PCDHGB3: variants seen among roughly 807,000 people sequenced by gnomAD.
The protein encoded by PCDHGB3 is protocadherin gamma subfamily B, 3.
In PCDHGB3, 40 loss-of-function variants were observed where a neutral mutation model predicts 59.2. The ratio of observed to expected loss-of-function variants is 0.68; its 90% CI spans 0.52 to 0.88. The LOEUF (loss-of-function observed/expected upper bound fraction) is 0.88, where lower values mean the gene tolerates loss of function less well. Among genes scored for constraint, PCDHGB3 ranks in the 40% least tolerant of loss-of-function variants. PCDHGB3 has a pLI of 0.00. For missense variants in PCDHGB3, 1,309 were observed against 1,187.9 expected (o/e 1.10, Z -1.50); for synonymous variants, 581 against 503.6 (o/e 1.15, Z -2.06).
In PCDHGB3 at chr5:141,431,339, TTGG is replaced by T. The variant is rs750589924; in HGVS notation, c.2415+58533_2415+58535del. ...AGCCGACGGTAGTAAGTACCCCGAA[TTGG>T]TGCTGAAACGCGCCCTGGACCGCGA... is the stretch of plus-strand genomic sequence containing the variant. On this transcript the variant is annotated intron_variant, in intron 1 of 3. Coordinates refer to ENST00000576222, the MANE Select transcript of PCDHGB3 (RefSeq NM_018924.5). The surrounding 1 kb of genome is among the most constrained non-coding windows in gnomAD (Gnocchi z 4.8). 4 of 1,614,060 alleles carry T rather than the reference TTGG, an allele frequency of 2.5e-6. No individual in the cohort carries two copies. The Admixed American group carries it at 6.7e-5, about 27-fold the overall frequency.
At chr5:141,499,287 C>T (rs896428388) in intron 2 of PCDHGB3, among the ~76,000 whole-genome samples, 3 of 152,184 alleles carry the variant, frequency 2.0e-5, no homozygotes, top group Non-Finnish European at 2.9e-5. Context: ...CTGATGGCTC[C>T]ACACTACCAT....
At chr5:141,447,214 A>G (rs2098530358) in intron 1 of PCDHGB3, among the ~76,000 whole-genome samples, 1 of 152,092 alleles carries the variant, frequency 6.6e-6, no homozygotes, top group Admixed American at 6.6e-5. Context: ...ATCTCGGCTC[A>G]CTGCAACCTC....
chr5:141,437,651 CAT>C (rs1255783396), intron 1 of PCDHGB3, among the ~76,000 whole-genome samples: 2 of 151,990 alleles, frequency 1.3e-5, no homozygotes, highest in Non-Finnish European at 2.9e-5. Context: ...AAAGCAAACA[CAT>C]AGTTTCGAAG....
chr5:141,428,331 G>A, intron 1 of PCDHGB3: 2 of 625,576 alleles, frequency 3.2e-6, no homozygotes, highest in East Asian at 2.9e-5. Context: ...TGATTTCTAT[G>A]CTCTTCTTCC....
In PCDHGB3 at chr5:141,432,285, C is replaced by A; in HGVS notation, c.2415+59476C>A. On this transcript the variant is annotated intron_variant, in intron 1 of 3. Transcript: ENST00000576222. The surrounding 1 kb of genome is among the most constrained non-coding windows in gnomAD (Gnocchi z 6.0). ...CTATCGTCCTACGTGTCCATCAACTCCGACACTGGGGTACTGTATGCGCTG... is the reference window on the plus strand; with the variant it reads ...CTATCGTCCTACGTGTCCATCAACTACGACACTGGGGTACTGTATGCGCTG... The A allele has an allele frequency of 6.2e-7, 1 of 1,614,262 alleles. No homozygotes were observed. The highest frequency in any genetic ancestry group is 8.5e-7 in the Non-Finnish European group (1 of 1,180,052).
At chr5:141,467,455 GCTAGTA>G (rs2099144342) in intron 1 of PCDHGB3, among the ~76,000 whole-genome samples, 1 of 152,192 alleles carries the variant, frequency 6.6e-6, no homozygotes, top group African/African-American at 2.4e-5. Context: ...TTCTTCCAGT[GCTAGTA>G]CTTGCATGGT....
intron 1 of PCDHGB3, chr5:141,402,985 A>G: frequency 6.2e-7 from 1 of 1,609,390 alleles, no homozygotes; most frequent in Non-Finnish European, 8.5e-7. Context: ...AGCTCCGCGG[A>G]AGATTAGTCC....
intron 1 of PCDHGB3, chr5:141,423,184 C>T (rs747938944): frequency 9.3e-6 from 15 of 1,613,442 alleles, no homozygotes; most frequent in Non-Finnish European, 1.2e-5. Context: ...CCACGGCCAG[C>T]CCCCTCTCTC....
At position 141,418,594 on chromosome 5, in the gene PCDHGB3, C is replaced by G. The variant is rs775489120; in HGVS notation, c.2415+45785C>G. 2.9e-5 allele frequency: 47 copies of G among 1,613,904 alleles called. No individual in the cohort carries two copies. In the South Asian group the frequency reaches 4.6e-4, roughly 16 times the overall value. On this transcript the variant is annotated intron_variant, in intron 1 of 3. Transcript: ENST00000576222. ...ACAACCCCCCAGTGTTCAGCCAGGA[C>G]GTGTACAGGGTTAGCCTTCGGGAAG...
At chr5:141,415,284 G>A (rs186109113) in intron 1 of PCDHGB3, 27 of 1,614,198 alleles carry the variant, frequency 1.7e-5, no homozygotes, top group Non-Finnish European at 2.3e-5. Context: ...CGGTGGCCGC[G>A]GTCTCCTGCG....
chr5:141,400,462 G>T lies in PCDHGB3; in HGVS notation c.2415+27653G>T, dbSNP rs141917215. 2.3e-4 allele frequency: 379 copies of T among 1,614,062 alleles called. 2 individuals carry two copies. The African/African-American group carries it at 4.7e-3, about 20-fold the overall frequency. The stretch of plus-strand genomic sequence containing the variant: ...TTCAGGACAAGACATACTTTGTGGT[G>T]ATTCATCTGGGGCCTTATTTCCACT... On this transcript the variant is annotated intron_variant, in intron 1 of 3. Transcript: ENST00000576222.
intron 1 of PCDHGB3, among the ~76,000 whole-genome samples, chr5:141,492,670 C>T (rs567661944): frequency 6.6e-6 from 1 of 152,344 alleles, no homozygotes; most frequent in South Asian, 2.1e-4. Context: ...CCCGGGACTC[C>T]GTCTCAAGGG....
At chr5:141,495,697 A>G (rs1010733016) in intron 2 of PCDHGB3, among the ~76,000 whole-genome samples, 1 of 152,086 alleles carries the variant, frequency 6.6e-6, no homozygotes, top group Non-Finnish European at 1.5e-5. Flanking sequence ...AGTGCTCAAT[A>G]AATGTGGAGT....
rs202183643 is a variant in PCDHGB3 at position 141,490,646 on chromosome 5, C to T, written c.2416-4161C>T. 9 of 1,614,186 alleles carry T rather than the reference C, an allele frequency of 5.6e-6. No homozygotes were observed. Among genetic ancestry groups the T allele is most frequent in the African/African-American group, 2.7e-5 (2 of 75,054 alleles). ...GCTTACATCCTAGAAAACCGGCCTC[C>T]GGGCTCCCTTCTTTGCACTGTGGCT... On this transcript the variant is annotated intron_variant, in intron 1 of 3. Transcript: ENST00000576222. The surrounding 1 kb of genome is among the most constrained non-coding windows in gnomAD (Gnocchi z 5.4).
At chr5:141,499,620 G>A (rs557854340) in intron 2 of PCDHGB3, among the ~76,000 whole-genome samples, 1 of 150,986 alleles carries the variant, frequency 6.6e-6, no homozygotes, top group Non-Finnish European at 1.5e-5. Context: ...TCCTGTCCTT[G>A]GATTCTTTTG....
chr5:141,393,086 T>C (rs533530561), intron 1 of PCDHGB3: 1 of 1,613,614 alleles, frequency 6.2e-7, no homozygotes, highest in Non-Finnish European at 8.5e-7. Flanking sequence ...GCAGGATAGA[T>C]CGGGAGGAGC....
chr5:141,372,161 C>T lies in PCDHGB3; in HGVS notation c.1767C>T (p.Thr589=), dbSNP rs777425940. 5.6e-6 allele frequency: 9 copies of T among 1,613,776 alleles called. No individual in the cohort carries two copies. The Middle Eastern group carries it at 5.0e-4, about 89-fold the overall frequency. The change falls in exon 1 of 4, where the codon ACC becomes ACT. Residue 589 remains threonine, a synonymous_variant. Transcript: ENST00000576222. ...PRSAEPGYLV[T]KVVAVDADSG... is the part of the protein sequence containing the mutation. Reference sequence around the variant, plus strand: ...CTGCAGAGCCTGGCTACCTGGTGACCAAGGTGGTGGCGGTGGACGCAGACT... The same window carrying T: ...CTGCAGAGCCTGGCTACCTGGTGACTAAGGTGGTGGCGGTGGACGCAGACT...
chr5:141,450,776 C>G (rs757791026), intron 1 of PCDHGB3, among the ~76,000 whole-genome samples: 1 of 151,440 alleles, frequency 6.6e-6, no homozygotes, highest in Non-Finnish European at 1.5e-5. Flanking sequence ...CATGAGCCAC[C>G]GTGCCCGGAC....
At chr5:141,455,984 G>A (rs1405675950) in intron 1 of PCDHGB3, among the ~76,000 whole-genome samples, 2 of 151,492 alleles carry the variant, frequency 1.3e-5, no homozygotes, top group East Asian at 1.9e-4. Context: ...TGCAAGCTCC[G>A]CCTCTCGGGT....
Sources: gnomAD v4.1 joint callset for allele counts (sites outside exome capture counted in the v4.1 genomes callset) on GRCh38, gnomAD v4.1.1 for gene constraint, Gnocchi (gnomAD v3.1) non-coding constraint, MANE v1.5 for transcripts, NCBI Gene and HGNC (gene_info 2026-07-23, HGNC 2026-07-21) for gene names.